PAM: variants seen among roughly 807,000 people sequenced by gnomAD.
The protein encoded by PAM is peptidyl-glycine alpha-amidating monooxygenase.
Under a neutral mutation model 122.1 loss-of-function variants are expected in PAM, and 72 were observed. The observed-to-expected ratio is 0.59, with a 90% CI of 0.49 to 0.72. The LOEUF is 0.72. PAM is among the 30% of genes least tolerant of loss of function. The pLI, the probability that PAM is intolerant of heterozygous loss-of-function variation, is 0.00. For synonymous variants in PAM, 389 were observed against 404.4 expected (o/e 0.96, Z 0.46); for missense variants, 1,106 against 1,183.7 (o/e 0.93, Z 0.96).
chr5:102,836,670 T>G (rs1017507613), intron 1 of PAM, among the ~76,000 whole-genome samples: 1 of 152,132 alleles, frequency 6.6e-6, no homozygotes, highest in African/African-American at 2.4e-5. Context: ...TACATCCTTC[T>G]TATTCCCTCC....
chr5:103,009,624 A>G (rs1049098806), intron 20 of PAM, 127 bp from the exon 21 acceptor site: 4 of 592,538 alleles, frequency 6.8e-6, no homozygotes, highest in African/African-American at 1.9e-5. Flanking sequence ...TTTATATTCT[A>G]CTTTTGTTGC....
chr5:103,016,992 A>G (rs1782198173), intron 21 of PAM, among the ~76,000 whole-genome samples: 1 of 152,192 alleles, frequency 6.6e-6, no homozygotes, highest in Non-Finnish European at 1.5e-5. Flanking sequence ...GTAGGCAAAA[A>G]CCAATATAAA....
intron 12 of PAM, among the ~76,000 whole-genome samples, chr5:102,951,724 A>T (rs1212751221): frequency 6.6e-6 from 1 of 152,128 alleles, no homozygotes; most frequent in Non-Finnish European, 1.5e-5. Context: ...AAGAATTTTT[A>T]TGTCACTCTA....
chr5:102,865,008 A>T (rs920787731), intron 1 of PAM, among the ~76,000 whole-genome samples: 5 of 152,224 alleles, frequency 3.3e-5, no homozygotes, highest in African/African-American at 9.7e-5. Context: ...GTTCTTGATC[A>T]TAACCTTTGA....
intron 1 of PAM, among the ~76,000 whole-genome samples, chr5:102,860,584 G>C (rs1035261252): frequency 2.0e-5 from 3 of 151,942 alleles, no homozygotes; most frequent in African/African-American, 7.3e-5. Flanking sequence ...TATTTGGGAG[G>C]CTGAGGTAGG....
Position 102,865,897 on chromosome 5 carries a change from C to G in PAM, c.-299C>G, listed in dbSNP as rs527303922. On this transcript the variant is annotated 5_prime_UTR_variant, in exon 2 of 26. Coordinates refer to ENST00000438793, the MANE Select transcript of PAM (RefSeq NM_001177306.2). Reference sequence around the variant, plus strand: ...TGTCATTCCGGAGTCATAAGGCACCCGCGCGTCTAGCCCCAGCGCCAGGGC... The same window carrying G: ...TGTCATTCCGGAGTCATAAGGCACCGGCGCGTCTAGCCCCAGCGCCAGGGC... The G allele has an allele frequency of 4.6e-4, 157 of 344,300 alleles. 1 individual carries two copies. The highest frequency in any genetic ancestry group is 3.2e-3 in the African/African-American group (146 of 46,236). 21.3% of individuals were successfully genotyped at this position (344,300 alleles called of 1,614,324 possible).
At chr5:102,932,541 A>G (rs1751889950) in intron 7 of PAM, among the ~76,000 whole-genome samples, 1 of 148,978 alleles carries the variant, frequency 6.7e-6, no homozygotes, top group Non-Finnish European at 1.5e-5. Context: ...ATACACACAT[A>G]TATGTATGTA....
chr5:102,880,432 T>G (rs1228139481), intron 3 of PAM, among the ~76,000 whole-genome samples: 1 of 152,132 alleles, frequency 6.6e-6, no homozygotes, highest in Non-Finnish European at 1.5e-5. Context: ...TAGCAGGATA[T>G]TAACAAATTT....
At chr5:102,869,719 T>G (rs1312020230) in intron 3 of PAM, among the ~76,000 whole-genome samples, 1 of 152,152 alleles carries the variant, frequency 6.6e-6, no homozygotes, top group African/African-American at 2.4e-5. Flanking sequence ...ACCTCTTTCC[T>G]TCTGAATTTG....
At chr5:102,851,764 T>A (rs1388118042) in intron 1 of PAM, among the ~76,000 whole-genome samples, 1 of 152,224 alleles carries the variant, frequency 6.6e-6, no homozygotes, top group African/African-American at 2.4e-5. Flanking sequence ...TCAAGAGAAA[T>A]ACGGCATGTT....
At chr5:103,019,875 C>G (rs780154791) in intron 23 of PAM, 32 bp downstream of exon 23, 2 of 1,341,940 alleles carry the variant, frequency 1.5e-6, no homozygotes, top group Non-Finnish European at 2.1e-6. Context: ...ACTATAAAAC[C>G]AAAGTCTGGC....
intron 3 of PAM, among the ~76,000 whole-genome samples, chr5:102,895,047 C>G (rs73175428): frequency 0.043 from 6,468 of 151,550 alleles, 291 homozygotes; most frequent in East Asian, 0.18. Context: ...ACAAAACAAC[C>G]AAAATTCTTA....
intron 12 of PAM, among the ~76,000 whole-genome samples, chr5:102,956,870 T>G (rs1349511065): frequency 6.6e-6 from 1 of 152,128 alleles, no homozygotes; most frequent in Admixed American, 6.5e-5. Context: ...GTACAATTTT[T>G]TTTCAAATGT....
At chr5:102,984,491 G>A (rs547083381) in intron 15 of PAM, among the ~76,000 whole-genome samples, 7 of 152,206 alleles carry the variant, frequency 4.6e-5, no homozygotes, top group Admixed American at 3.9e-4. Context: ...AAACAACAAC[G>A]AAGATGATCA....
At chr5:102,858,421 G>A (rs1228399716) in intron 1 of PAM, among the ~76,000 whole-genome samples, 2 of 152,078 alleles carry the variant, frequency 1.3e-5, no homozygotes, top group East Asian at 1.9e-4. Flanking sequence ...CAAGGGTGCC[G>A]CTGAACACCC....
intron 15 of PAM, chr5:102,987,600 G>A: frequency 2.2e-6 from 1 of 445,554 alleles, no homozygotes; most frequent in Non-Finnish European, 4.5e-6. Flanking sequence ...ACCCTGATTT[G>A]ATCATGCTTG....
chr5:102,944,880 A>AT (rs1357772507), intron 7 of PAM, among the ~76,000 whole-genome samples: 6 of 152,040 alleles, frequency 3.9e-5, no homozygotes, highest in African/African-American at 1.2e-4. Context: ...TTCTAATTTC[A>AT]TTTTTTTAAC....
In PAM at chr5:102,866,026, C is replaced by G. The variant is rs868817922; in HGVS notation, c.-170C>G. The G allele has an allele frequency of 2.2e-6, 1 of 458,492 alleles. No homozygotes were observed. Among genetic ancestry groups the G allele is most frequent in the South Asian group, 4.4e-5 (1 of 22,602 alleles). 28.4% of individuals were successfully genotyped at this position (458,492 alleles called of 1,614,324 possible). A position where few individuals can be genotyped will look rare whatever the true frequency, so the allele number is the denominator to read the frequency against. The stretch of plus-strand genomic sequence containing the variant: ...GCCGCTCGTGACCGAGACGCCTCGC[C>G]GCGGCCAGCTCGCTGCTCTCGCTGG... On this transcript the variant is annotated 5_prime_UTR_variant, in exon 2 of 26. Coordinates refer to ENST00000438793, the MANE Select transcript of PAM (RefSeq NM_001177306.2).
rs143699761 is a variant in PAM, at chr5:102,870,823, TG to T, written c.210+3432del. ...CTTCAAATCCAGCAGAGCCATGAAG[TG>T]GTGATATCTTGAGACTCCTCTTTTA... On this transcript the variant is annotated intron_variant, in intron 3 of 25. Coordinates refer to ENST00000438793, the MANE Select transcript of PAM (RefSeq NM_001177306.2). 6.2e-3 allele frequency among the ~76,000 whole-genome samples: 947 copies of T among 152,230 alleles called. 5 individuals are homozygous for T. Among genetic ancestry groups the T allele is most frequent in the African/African-American group, 0.022 (894 of 41,546 alleles).
Sources: gnomAD v4.1 joint callset for allele counts (sites outside exome capture counted in the v4.1 genomes callset) on GRCh38, gnomAD v4.1.1 for gene constraint, MANE v1.5 for transcripts, NCBI Gene and HGNC (gene_info 2026-07-23, HGNC 2026-07-21) for gene names.